NPSR1: variants seen among roughly 807,000 people sequenced by gnomAD.
NPSR1 encodes the protein neuropeptide S receptor 1.
A neutral mutation model predicts 46.9 loss-of-function variants in NPSR1; 48 were observed. That is an observed-to-expected ratio of 1.02 (90% CI 0.81 to 1.30). The LOEUF is 1.30. NPSR1 is among the 50% of genes most tolerant of loss of function. The pLI is 0.00. For missense variants in NPSR1, 450 were observed against 449.5 expected, an observed-to-expected ratio of 1.00 and a Z score of -0.01; for synonymous variants, 176 against 168.1, an observed-to-expected ratio of 1.05 and a Z score of -0.36.
intron 1 of NPSR1, among the ~76,000 whole-genome samples, chr7:34,676,506 TTG>T (rs1269742803): frequency 1.3e-5 from 2 of 152,126 alleles, no homozygotes; most frequent in Non-Finnish European, 2.9e-5. Flanking sequence ...ATCCTGGGAT[TTG>T]TGTGTGTCTC....
At position 34,739,513 on chromosome 7, in the gene NPSR1, C is replaced by T. The variant is rs569242825; in HGVS notation, c.281-38949C>T. Reference sequence around the variant, plus strand: ...ATGATGGTGAGCATTTTTTCATGTGCTTGTTAACCATTTGTGTATCATCTT... The same window carrying T: ...ATGATGGTGAGCATTTTTTCATGTGTTTGTTAACCATTTGTGTATCATCTT... On this transcript the variant is annotated intron_variant, in intron 2 of 8. Transcript: ENST00000360581. Among the ~76,000 whole-genome samples, 350 of 152,240 alleles carry T rather than the reference C, an allele frequency of 2.3e-3. 1 individual carries two copies. The highest frequency in any genetic ancestry group is 3.4e-3 in the Non-Finnish European group (233 of 67,994).
intron 3 of NPSR1, among the ~76,000 whole-genome samples, chr7:34,811,020 A>G (rs1368593707): frequency 1.3e-5 from 2 of 152,170 alleles, no homozygotes; most frequent in Non-Finnish European, 2.9e-5. Flanking sequence ...GGGCAAGTGC[A>G]TTGAACTCCG....
At chr7:34,840,695 C>T (rs1044482235) in intron 6 of NPSR1, among the ~76,000 whole-genome samples, 1 of 152,224 alleles carries the variant, frequency 6.6e-6, no homozygotes, top group Non-Finnish European at 1.5e-5. Context: ...CATCTGCTGC[C>T]CAGCCGGAGC....
chr7:34,873,687 G>A (rs1791510260), intron 8 of NPSR1, among the ~76,000 whole-genome samples: 1 of 150,968 alleles, frequency 6.6e-6, no homozygotes, highest in South Asian at 2.1e-4. Context: ...TCATGAGGGA[G>A]CCACCTCCTA....
intron 1 of NPSR1, among the ~76,000 whole-genome samples, chr7:34,674,876 C>T (rs1265311765): frequency 6.6e-6 from 1 of 152,098 alleles, no homozygotes; most frequent in Non-Finnish European, 1.5e-5. Flanking sequence ...CCAACCCAGC[C>T]CCAGAAACCC....
intron 2 of NPSR1, among the ~76,000 whole-genome samples, chr7:34,771,210 G>C (rs1786666935): frequency 6.6e-6 from 1 of 152,112 alleles, no homozygotes; most frequent in Non-Finnish European, 1.5e-5. Context: ...TGAAGTGAGT[G>C]GATCACTTGA....
At chr7:34,763,617 G>A (rs1157392059) in intron 2 of NPSR1, among the ~76,000 whole-genome samples, 5 of 152,126 alleles carry the variant, frequency 3.3e-5, no homozygotes, top group African/African-American at 1.2e-4. Context: ...ACTCAGAAAA[G>A]GTGTTATAAA....
At chr7:34,705,138 C>T (rs1447004040) in intron 2 of NPSR1, among the ~76,000 whole-genome samples, 1 of 152,106 alleles carries the variant, frequency 6.6e-6, no homozygotes, top group Non-Finnish European at 1.5e-5. Context: ...AAAACTTTCA[C>T]ACTTTTGGTT....
chr7:34,735,490 A>G (rs1374656923), intron 2 of NPSR1, among the ~76,000 whole-genome samples: 1 of 152,244 alleles, frequency 6.6e-6, no homozygotes, highest in East Asian at 1.9e-4. Context: ...GTTTGGAAAT[A>G]CATCTGTTTC....
intron 3 of NPSR1, among the ~76,000 whole-genome samples, chr7:34,782,376 G>C (rs189348247): frequency 8.5e-5 from 13 of 152,232 alleles, no homozygotes; most frequent in Admixed American, 2.6e-4. Flanking sequence ...CTTCCCTGGT[G>C]GGGGGAAAGA....
At chr7:34,692,333 C>T (rs924531228) in intron 2 of NPSR1, among the ~76,000 whole-genome samples, 1 of 152,032 alleles carries the variant, frequency 6.6e-6, no homozygotes, top group Non-Finnish European at 1.5e-5. Context: ...TTAAAAAAAA[C>T]TGAAATCATA....
rs533289800 is a variant in NPSR1, at chr7:34,791,016, A to G, written c.384+12451A>G. ...TATGTTATATGTTATATGTTATATT[A>G]TATATGTTATATGTTATATATTATA... On this transcript the variant is annotated intron_variant, in intron 3 of 8. Transcript: ENST00000360581. 1.0e-3 allele frequency among the ~76,000 whole-genome samples: 114 copies of G among 113,698 alleles called. 4 individuals are homozygous for G. Among genetic ancestry groups the G allele is most frequent in the Middle Eastern group, 0.01 (1 of 98 alleles). 74.6% of individuals were successfully genotyped at this position (113,698 alleles called of 152,430 possible). A position where few individuals can be genotyped will look rare whatever the true frequency, so the allele number is the denominator to read the frequency against.
chr7:34,796,843 G>T (rs1015421068), intron 3 of NPSR1, among the ~76,000 whole-genome samples: 11 of 152,086 alleles, frequency 7.2e-5, no homozygotes, highest in Admixed American at 5.9e-4. Context: ...CAAATAAGTT[G>T]AAAACATATA....
intron 8 of NPSR1, among the ~76,000 whole-genome samples, chr7:34,857,517 C>A (rs1326528194): frequency 6.6e-6 from 1 of 151,592 alleles, no homozygotes; most frequent in African/African-American, 2.4e-5. Context: ...AAAGGGTGTT[C>A]TTTTCAATTA....
At chr7:34,677,418 G>A (rs375701833) in intron 1 of NPSR1, among the ~76,000 whole-genome samples, 47 of 152,330 alleles carry the variant, frequency 3.1e-4, no homozygotes, top group African/African-American at 1.1e-3. Flanking sequence ...GAGAGATATA[G>A]TCTGAAAATG....
At chr7:34,872,017 C>G (rs984208722) in intron 8 of NPSR1, among the ~76,000 whole-genome samples, 1 of 151,908 alleles carries the variant, frequency 6.6e-6, no homozygotes, top group Non-Finnish European at 1.5e-5. Flanking sequence ...CCCACATTTC[C>G]CCCTGCCATT....
intron 2 of NPSR1, among the ~76,000 whole-genome samples, chr7:34,725,445 G>T (rs945780456): frequency 2.0e-5 from 3 of 152,172 alleles, no homozygotes; most frequent in African/African-American, 7.2e-5. Flanking sequence ...TACAATTGAG[G>T]ATACTGAAGG....
At chr7:34,782,159 A>G (rs1787258204) in intron 3 of NPSR1, among the ~76,000 whole-genome samples, 1 of 152,072 alleles carries the variant, frequency 6.6e-6, no homozygotes, top group African/African-American at 2.4e-5. Flanking sequence ...ATACTATACC[A>G]TGCAGCAGAA....
chr7:34,717,184 G>C (rs1485032745), intron 2 of NPSR1, among the ~76,000 whole-genome samples: 1 of 152,222 alleles, frequency 6.6e-6, no homozygotes. Flanking sequence ...CCAGGCTGCA[G>C]TGCAATAGCG....
Sources: gnomAD v4.1 joint callset for allele counts (sites outside exome capture counted in the v4.1 genomes callset) on GRCh38, gnomAD v4.1.1 for gene constraint, MANE v1.5 for transcripts, NCBI Gene and HGNC (gene_info 2026-07-23, HGNC 2026-07-21) for gene names.